The following PRKN variants were observed in gnomAD, a reference collection of about 807,000 sequenced individuals.
PRKN encodes parkin RBR E3 ubiquitin protein ligase.
A neutral mutation model predicts 59.5 loss-of-function variants in PRKN; 56 were observed. The ratio of observed to expected loss-of-function variants is 0.94; its 90% CI spans 0.76 to 1.18. The LOEUF is 1.18. Ranked by LOEUF, PRKN falls within the 50% of genes most tolerant of loss-of-function variation. The pLI, the probability that PRKN is intolerant of heterozygous loss-of-function variation, is 0.00. For missense variants in PRKN, 657 were observed against 596.4 expected, an observed-to-expected ratio of 1.10 and a Z score of -1.06; for synonymous variants, 250 against 222.1, an observed-to-expected ratio of 1.13 and a Z score of -1.12.
At chr6:161,664,994 G>T (rs1228896276) in intron 7 of PRKN, among the ~76,000 whole-genome samples, 1 of 151,842 alleles carries the variant, frequency 6.6e-6, no homozygotes, top group African/African-American at 2.4e-5. Flanking sequence ...CACCATATTG[G>T]CCAGGCTGGT....
In PRKN at chr6:161,699,810, G is replaced by A. The variant is rs114922217; in HGVS notation, c.871+85962C>T. 5.3e-3 allele frequency among the ~76,000 whole-genome samples: 814 copies of A among 152,218 alleles called. 15 individuals are homozygous for A. The highest frequency in any genetic ancestry group is 0.019 in the African/African-American group (770 of 41,544). ...TCCTGATGGTGAGGGTGGTTTCACC[G>A]ATGTGTACATACAACAACATGTATC... On this transcript the variant is annotated intron_variant, in intron 7 of 11. Coordinates refer to ENST00000366898, the MANE Select transcript of PRKN (RefSeq NM_004562.3).
intron 9 of PRKN, among the ~76,000 whole-genome samples, chr6:161,478,516 A>AAAT (rs72006528): frequency 0.2 from 30,967 of 152,064 alleles, 3,637 homozygotes; most frequent in African/African-American, 0.33. Context: ...TTAACTCTCA[A>AAAT]AATAGCTGTT....
At chr6:161,686,522 TAA>T (rs1437046419) in intron 7 of PRKN, among the ~76,000 whole-genome samples, 8 of 152,212 alleles carry the variant, frequency 5.3e-5, no homozygotes, top group Non-Finnish European at 1.0e-4. Context: ...AAAATATTAT[TAA>T]GTTTTGTTAT....
At chr6:161,709,604 A>T (rs1372326086) in intron 7 of PRKN, among the ~76,000 whole-genome samples, 1 of 152,216 alleles carries the variant, frequency 6.6e-6, no homozygotes, top group Admixed American at 6.5e-5. Context: ...GTATGTATTT[A>T]GTTTGGTTAA....
At chr6:162,260,559 G>A (rs1779846464) in intron 3 of PRKN, among the ~76,000 whole-genome samples, 1 of 152,104 alleles carries the variant, frequency 6.6e-6, no homozygotes, top group South Asian at 2.1e-4. Context: ...AGTTGAAAGT[G>A]TCAATAATTC....
At position 161,376,595 on chromosome 6, in the gene PRKN, C is replaced by G. The variant is rs1562405388; in HGVS notation, c.1167+10199G>C. Among the ~76,000 whole-genome samples the G allele has an allele frequency of 6.6e-6, 1 of 152,156 alleles. No individual in the cohort carries two copies. Among genetic ancestry groups the G allele is most frequent in the Admixed American group, 6.5e-5 (1 of 15,272 alleles). On this transcript the variant is annotated intron_variant, in intron 10 of 11. Coordinates refer to ENST00000366898, the MANE Select transcript of PRKN (RefSeq NM_004562.3). This position sits in a 1 kb window ranked among gnomAD's most constrained non-coding sequence, Gnocchi z 7.3. ...TGGTTTGGCCCTTTTAGGGGGTGCTCTGCTCTGCTCCCAGTCCCACCACCT... is the reference window on the plus strand; with the variant it reads ...TGGTTTGGCCCTTTTAGGGGGTGCTGTGCTCTGCTCCCAGTCCCACCACCT...
intron 5 of PRKN, among the ~76,000 whole-genome samples, chr6:161,986,249 A>C (rs1781432375): frequency 6.6e-6 from 1 of 152,232 alleles, no homozygotes. Flanking sequence ...CTCTGCCTGC[A>C]GGGTAGCCCT....
At chr6:162,442,364 G>A (rs1790098087) in intron 2 of PRKN, among the ~76,000 whole-genome samples, 1 of 152,200 alleles carries the variant, frequency 6.6e-6, no homozygotes, top group Non-Finnish European at 1.5e-5. Context: ...AAGAAAAGGG[G>A]AACATACATC....
At chr6:162,036,100 G>A (rs142317400) in intron 5 of PRKN, among the ~76,000 whole-genome samples, 11 of 152,014 alleles carry the variant, frequency 7.2e-5, no homozygotes, top group South Asian at 6.2e-4. Flanking sequence ...CGAGGCGGGC[G>A]GATCACGAGG....
intron 1 of PRKN, among the ~76,000 whole-genome samples, chr6:162,468,285 T>C (rs1417973702): frequency 6.6e-6 from 1 of 152,204 alleles, no homozygotes; most frequent in Non-Finnish European, 1.5e-5. Flanking sequence ...CTACAAATGT[T>C]GAAGTGAATG....
chr6:161,358,452 T>TA (rs752601492), intron 11 of PRKN, among the ~76,000 whole-genome samples: 2 of 152,056 alleles, frequency 1.3e-5, no homozygotes, highest in Non-Finnish European at 2.9e-5. Context: ...CCGTCTCTAC[T>TA]AAAAAATATA....
At chr6:161,869,555 C>A (rs1264368312) in intron 6 of PRKN, among the ~76,000 whole-genome samples, 1 of 152,146 alleles carries the variant, frequency 6.6e-6, no homozygotes, top group African/African-American at 2.4e-5. Context: ...CTTGAGCATA[C>A]TTAAAACGAA....
chr6:162,152,055 A>C (rs1782295062), intron 4 of PRKN, among the ~76,000 whole-genome samples: 1 of 152,202 alleles, frequency 6.6e-6, no homozygotes, highest in African/African-American at 2.4e-5. Flanking sequence ...ATGAGCTTCT[A>C]ATAACAAAGG....
chr6:162,017,031 C>T (rs1782959258), intron 5 of PRKN, among the ~76,000 whole-genome samples: 1 of 152,138 alleles, frequency 6.6e-6, no homozygotes, highest in African/African-American at 2.4e-5. Flanking sequence ...GCTCAAATGG[C>T]CCCTTATTAA....
At chr6:162,395,231 A>G (rs1428826138) in intron 2 of PRKN, among the ~76,000 whole-genome samples, 1 of 152,204 alleles carries the variant, frequency 6.6e-6, no homozygotes, top group African/African-American at 2.4e-5. Context: ...TGATCAATAC[A>G]ATATAACAGC....
chr6:162,498,876 T>C lies in PRKN; in HGVS notation c.8-55403A>G, dbSNP rs73608417. On this transcript the variant is annotated intron_variant, in intron 1 of 11. Coordinates refer to ENST00000366898, the MANE Select transcript of PRKN (RefSeq NM_004562.3). ...TGTTTTATTATTTATCCTTCATGTA[T>C]AGGCAAGATGCTACTGAAAATGATC... 9.3e-4 allele frequency among the ~76,000 whole-genome samples: 141 copies of C among 152,248 alleles called. 1 individual carries two copies. The highest frequency in any genetic ancestry group is 3.4e-3 in the Middle Eastern group (1 of 294).
intron 6 of PRKN, among the ~76,000 whole-genome samples, chr6:161,810,243 C>A (rs897000071): frequency 2.0e-5 from 3 of 152,186 alleles, no homozygotes; most frequent in African/African-American, 7.2e-5. Context: ...GAGAAGACAG[C>A]CATCTGCAAG....
At chr6:162,276,701 G>GTC (rs368121099) in intron 2 of PRKN, among the ~76,000 whole-genome samples, 1 of 150,298 alleles carries the variant, frequency 6.7e-6, no homozygotes, top group East Asian at 2.0e-4. Flanking sequence ...GTGTGTGTGT[G>GTC]TGTGTCTGTG....
At chr6:162,376,216 C>A (rs1014286987) in intron 2 of PRKN, among the ~76,000 whole-genome samples, 2 of 152,066 alleles carry the variant, frequency 1.3e-5, no homozygotes, top group South Asian at 2.1e-4. Flanking sequence ...ACAGACCGCA[C>A]CCTTGTGTGA....
Sources: allele counts gnomAD v4.1 joint callset (sites outside exome capture counted in the v4.1 genomes callset), GRCh38; gene constraint gnomAD v4.1.1; non-coding constraint Gnocchi (gnomAD v3.1); transcripts MANE v1.5; gene names NCBI Gene and HGNC (gene_info 2026-07-23, HGNC 2026-07-21).